Variants in VWA3A observed in about 807,000 individuals in gnomAD.
VWA3A encodes the protein von Willebrand factor A domain containing 3A, also known as von Willebrand factor A domain-containing protein 3A.
VWA3A carries 134 observed loss-of-function variants against 160.4 expected under a neutral mutation model. The ratio of observed to expected loss-of-function variants is 0.84; its 90% CI spans 0.73 to 0.96. The LOEUF (loss-of-function observed/expected upper bound fraction) is 0.96, where lower values mean the gene tolerates loss of function less well. Among genes scored for constraint, VWA3A ranks in the 40% least tolerant of loss-of-function variants. The pLI, the probability that VWA3A is intolerant of heterozygous loss-of-function variation, is 0.00. For missense variants in VWA3A, 1,310 were observed against 1,447.9 expected, an observed-to-expected ratio of 0.90 and a Z score of 1.55; for synonymous variants, 476 against 543.4, an observed-to-expected ratio of 0.88 and a Z score of 1.72.
chr16:22,154,758 T>A lies in VWA3A; in HGVS notation c.3406-809T>A, dbSNP rs569816051. Among the ~76,000 whole-genome samples, 1,206 of 149,454 alleles carry A rather than the reference T, an allele frequency of 8.1e-3. 6 individuals carry two copies. The highest frequency in any genetic ancestry group is 0.027 in the Middle Eastern group (8 of 292). On this transcript the variant is annotated intron_variant, in intron 31 of 33. Coordinates refer to ENST00000389398, the MANE Select transcript of VWA3A (RefSeq NM_173615.5). ...TCATGAGGTCAGGAGATCGAGACCA[T>A]CCTGGCTAACAAGGTGAAACCCCGT...
chr16:22,125,068 T>G (rs2045819499), intron 16 of VWA3A, among the ~76,000 whole-genome samples: 1 of 152,080 alleles, frequency 6.6e-6, no homozygotes, highest in Non-Finnish European at 1.5e-5. Context: ...CACCTGGTTT[T>G]CGTTTTCCCT....
Position 22,149,858 on chromosome 16 carries a change from C to G in VWA3A, c.3056C>G (p.Ala1019Gly). The G allele has an allele frequency of 4.3e-6, 7 of 1,612,580 alleles. No homozygotes were observed. The highest frequency in any genetic ancestry group is 5.9e-6 in the Non-Finnish European group (7 of 1,179,072). ...ACGCTGGTGGAGACCACAGATGCAG[C>G]GTGTCATGAGGCTATGCAATGGGTG... The part of the protein sequence containing the change: ...QDTLVETTDA[A>G]CHEAMQWVTH... Residue 1019 changes from alanine to glycine, a missense_variant, in exon 29 of 34, where the codon GCG becomes GGG. Ala to Gly is a moderately conservative substitution (Grantham distance 60). Transcript: ENST00000389398.
intron 14 of VWA3A, 85 bp downstream of exon 14, chr16:22,121,702 A>T: frequency 1.8e-6 from 2 of 1,085,004 alleles, no homozygotes; most frequent in East Asian, 4.8e-5. Flanking sequence ...TTCTGGCAGT[A>T]AGAATCACCA....
chr16:22,092,611 G>T lies in VWA3A; in HGVS notation c.-27G>T, dbSNP rs1056709176. The stretch of plus-strand genomic sequence containing the variant: ...GAAGTAAGGCCCTGGAGTGCCAGGA[G>T]CCCTTCTCCCAAAGATGGAGAAATA... On this transcript the variant is annotated 5_prime_UTR_variant, in exon 1 of 34. Coordinates refer to ENST00000389398, the MANE Select transcript of VWA3A (RefSeq NM_173615.5). 49 of 1,550,114 alleles carry T rather than the reference G, an allele frequency of 3.2e-5. No individual in the cohort carries two copies. Among genetic ancestry groups the T allele is most frequent in the African/African-American group, 4.1e-5 (3 of 73,006 alleles).
chr16:22,103,480 T>C lies in VWA3A; in HGVS notation c.434T>C (p.Ile145Thr), dbSNP rs928080323. Residue 145 changes from isoleucine (I) to threonine (T), a missense_variant, in exon 6 of 34, where the codon ATT becomes ACT. Physicochemically the swap from Ile to Thr is moderately conservative, Grantham distance 89. Transcript: ENST00000389398. ...RHFESKLSDTIEVYQERIQWL... is the reference protein window; with the variant it reads ...RHFESKLSDTTEVYQERIQWL... ...TCTTTCTGATGTCTTGACAGCACTA[T>C]TGAAGTCTATCAAGAGAGAATTCAG... The C allele has an allele frequency of 3.9e-6, 6 of 1,551,816 alleles. No individual in the cohort carries two copies. Among genetic ancestry groups the C allele is most frequent in the Non-Finnish European group, 5.2e-6 (6 of 1,146,982 alleles).
Position 22,092,606 on chromosome 16 carries a change from C to G in VWA3A, c.-32C>G, listed in dbSNP as rs577864072. The G allele has an allele frequency of 3.9e-6, 6 of 1,550,026 alleles. No individual in the cohort carries two copies. The African/African-American group carries it at 8.2e-5, about 21-fold the overall frequency. ...CAGGAGAAGTAAGGCCCTGGAGTGC[C>G]AGGAGCCCTTCTCCCAAAGATGGAG... is the stretch of plus-strand genomic sequence containing the variant. On this transcript the variant is annotated 5_prime_UTR_variant, in exon 1 of 34. Coordinates refer to ENST00000389398, the MANE Select transcript of VWA3A (RefSeq NM_173615.5).
At chr16:22,106,281 A>T (rs1351389134) in intron 6 of VWA3A, among the ~76,000 whole-genome samples, 7 of 152,092 alleles carry the variant, frequency 4.6e-5, no homozygotes. Flanking sequence ...GCTACTAGAG[A>T]GGCTGAAGCA....
intron 3 of VWA3A, among the ~76,000 whole-genome samples, chr16:22,098,028 C>T (rs993105455): frequency 1.3e-5 from 2 of 152,158 alleles, no homozygotes; most frequent in Non-Finnish European, 1.5e-5. Flanking sequence ...TCCCTGAAAT[C>T]GAGATTCAGA....
intron 22 of VWA3A, among the ~76,000 whole-genome samples, chr16:22,138,781 A>T (rs1008184132): frequency 1.3e-5 from 2 of 151,444 alleles, no homozygotes; most frequent in African/African-American, 4.9e-5. Context: ...GGTACTGAGG[A>T]TGCCACAGAA....
chr16:22,144,502 C>A, intron 26 of VWA3A, 118 bp downstream of exon 26: 1 of 1,384,126 alleles, frequency 7.2e-7, no homozygotes, highest in Non-Finnish European at 9.6e-7. Flanking sequence ...CCCTCCTCCC[C>A]AAAGTGGGAC....
chr16:22,139,865 C>G (rs1226474290), intron 22 of VWA3A, among the ~76,000 whole-genome samples: 1 of 152,068 alleles, frequency 6.6e-6, no homozygotes. Context: ...TCACTAGCAG[C>G]TCTCTCACTC....
At chr16:22,116,422 G>A (rs1322111485) in intron 9 of VWA3A, 5 of 430,058 alleles carry the variant, frequency 1.2e-5, no homozygotes, top group Non-Finnish European at 2.2e-5. Context: ...AAAGGAAAAA[G>A]GAAAGAGAGA....
rs1165715697 is a variant in VWA3A, at chr16:22,136,698, G to C, written c.2140-1662G>C. Reference sequence around the variant, plus strand: ...GATCTGTGGCTCCCCCTGCGTGCCTGTGCTGTCTTCCCCAAAAGGGACCCT... The same window carrying C: ...GATCTGTGGCTCCCCCTGCGTGCCTCTGCTGTCTTCCCCAAAAGGGACCCT... On this transcript the variant is annotated intron_variant, in intron 21 of 33. Coordinates refer to ENST00000389398, the MANE Select transcript of VWA3A (RefSeq NM_173615.5). Among the ~76,000 whole-genome samples the C allele has an allele frequency of 4.9e-4, 75 of 151,960 alleles. 1 individual carries two copies. The highest frequency in any genetic ancestry group is 4.4e-5 in the Non-Finnish European group (3 of 67,988).
At chr16:22,141,488 T>C in intron 23 of VWA3A, 94 bp from the exon 24 acceptor site, 1 of 1,157,472 alleles carries the variant, frequency 8.6e-7, no homozygotes, top group Non-Finnish European at 1.3e-6. Context: ...TGGGGTGGAG[T>C]ATAGCTGAAC....
At chr16:22,094,543 T>C (rs2045286639) in intron 1 of VWA3A, among the ~76,000 whole-genome samples, 1 of 150,390 alleles carries the variant, frequency 6.6e-6, no homozygotes. Flanking sequence ...TGGTTGCAAA[T>C]AACAGAAAGC....
intron 11 of VWA3A, among the ~76,000 whole-genome samples, 200 bp from the exon 12 acceptor site, chr16:22,118,702 A>AAACAC (rs1278615750): frequency 6.6e-6 from 1 of 152,124 alleles, no homozygotes; most frequent in Non-Finnish European, 1.5e-5. Flanking sequence ...CAAACAAACA[A>AAACAC]AACACAACAG....
rs926378261 is a variant in VWA3A, at chr16:22,132,914, C to T, written c.1887C>T (p.Ala629=). The change falls in exon 20 of 34, where the codon GCC becomes GCT. Residue 629 remains alanine (A), a synonymous_variant. Transcript: ENST00000389398. ...TTCCCCACCAGCCTACACTCAGTGCCTACATGGCTGAGGCCTGTGGCGGCT... is the reference window on the plus strand; with the variant it reads ...TTCCCCACCAGCCTACACTCAGTGCTTACATGGCTGAGGCCTGTGGCGGCT... ...IPDQDMPTLS[A]YMAEACGGCD... is the part of the protein sequence containing the mutation. The T allele has an allele frequency of 1.2e-6, 2 of 1,613,524 alleles. No homozygotes were observed. The highest frequency in any genetic ancestry group is 2.2e-5 in the South Asian group (2 of 91,066).
At chr16:22,113,646 C>T (rs749814066) in intron 8 of VWA3A, among the ~76,000 whole-genome samples, 64 of 151,288 alleles carry the variant, frequency 4.2e-4, no homozygotes, top group African/African-American at 1.3e-3. Flanking sequence ...TCACCCAGGC[C>T]GGAGTTCAGT....
intron 25 of VWA3A, 112 bp downstream of exon 25, chr16:22,142,877 A>G (rs1333639811): frequency 3.8e-6 from 3 of 779,880 alleles, no homozygotes; most frequent in Admixed American, 4.2e-5. Flanking sequence ...CAAGCCAGGC[A>G]CAGTGACTCA....
Sources: allele counts gnomAD v4.1 joint callset (sites outside exome capture counted in the v4.1 genomes callset), GRCh38; gene constraint gnomAD v4.1.1; transcripts MANE v1.5; gene names NCBI Gene and HGNC (gene_info 2026-07-23, HGNC 2026-07-21).